SETX: variants seen among roughly 807,000 people sequenced by gnomAD.
SETX encodes the protein helicase senataxin.
Under a neutral mutation model 227.2 loss-of-function variants are expected in SETX, and 90 were observed. That is an observed-to-expected ratio of 0.40 (90% CI 0.33 to 0.47). SETX has a LOEUF of 0.47. Among genes scored for constraint, SETX ranks in the 20% least tolerant of loss-of-function variants. The pLI, the probability that SETX is intolerant of heterozygous loss-of-function variation, is 0.91. For missense variants in SETX, 3,052 were observed against 3,181.5 expected (o/e 0.96, Z 0.98); for synonymous variants, 1,210 against 1,113.2 (o/e 1.09, Z -1.73).
At chr9:132,348,605 G>A (rs909696398) in intron 3 of SETX, among the ~76,000 whole-genome samples, 1 of 151,984 alleles carries the variant, frequency 6.6e-6, no homozygotes, top group African/African-American at 2.4e-5. Context: ...TATATACCAG[G>A]CAATGAGTTA....
chr9:132,317,358 C>T (rs867602706), intron 10 of SETX, among the ~76,000 whole-genome samples: 15 of 152,302 alleles, frequency 9.8e-5, no homozygotes, highest in Middle Eastern at 6.8e-3. Context: ...CCAATTATTT[C>T]ATTGCTCCAT....
intron 2 of SETX, among the ~76,000 whole-genome samples, chr9:132,351,724 G>A (rs1023280370): frequency 6.6e-6 from 1 of 152,278 alleles, no homozygotes; most frequent in African/African-American, 2.4e-5. Flanking sequence ...TGTCTTTAAG[G>A]AGAAAATTAT....
chr9:132,319,083 C>CT (rs1370326791), intron 10 of SETX, among the ~76,000 whole-genome samples: 10 of 152,212 alleles, frequency 6.6e-5, no homozygotes. Flanking sequence ...GCATCACAAT[C>CT]TAACCAGATG....
intron 25 of SETX, among the ~76,000 whole-genome samples, chr9:132,268,471 C>T (rs1013347774): frequency 6.6e-6 from 1 of 152,148 alleles, no homozygotes; most frequent in African/African-American, 2.4e-5. Flanking sequence ...ACTGCACTCC[C>T]GCCAGGGGAA....
intron 5 of SETX, among the ~76,000 whole-genome samples, chr9:132,341,138 G>A (rs964613058): frequency 1.3e-5 from 2 of 152,152 alleles, no homozygotes. Flanking sequence ...TTTGAGGTTA[G>A]GAGTTTGAGA....
At chr9:132,308,829 T>G (rs1161785382) in intron 11 of SETX, among the ~76,000 whole-genome samples, 1 of 152,152 alleles carries the variant, frequency 6.6e-6, no homozygotes, top group African/African-American at 2.4e-5. Flanking sequence ...GGGCCAAGAA[T>G]AGCCAAAGCA....
chr9:132,334,531 C>A (rs1589756917), intron 7 of SETX, 77 bp downstream of exon 7: 2 of 1,494,862 alleles, frequency 1.3e-6, no homozygotes, highest in East Asian at 4.5e-5. Context: ...TACACCAATT[C>A]CTGCAGTGAC....
chr9:132,344,907 AG>A (rs1848202541), intron 4 of SETX, among the ~76,000 whole-genome samples: 2 of 151,362 alleles, frequency 1.3e-5, no homozygotes, highest in Non-Finnish European at 2.9e-5. Flanking sequence ...TAGATTTGAT[AG>A]GTTAGGGAAA....
intron 11 of SETX, among the ~76,000 whole-genome samples, chr9:132,308,334 C>A (rs1589694680): frequency 1.3e-5 from 2 of 152,256 alleles, no homozygotes; most frequent in Non-Finnish European, 1.5e-5. Flanking sequence ...AGGAAACACA[C>A]AGAGGACAGA....
chr9:132,274,246 T>C (rs1843039217), intron 23 of SETX, among the ~76,000 whole-genome samples: 2 of 152,164 alleles, frequency 1.3e-5, no homozygotes, highest in African/African-American at 4.8e-5. Context: ...TTGTGATACT[T>C]TCCCTTGGCT....
chr9:132,273,144 T>A (rs1842978924), intron 23 of SETX, among the ~76,000 whole-genome samples: 2 of 151,608 alleles, frequency 1.3e-5, no homozygotes, highest in African/African-American at 4.9e-5. Context: ...AAACAGGATG[T>A]CTTCACATTT....
Position 132,264,908 on chromosome 9 carries a change from A to G in SETX, c.7365T>C (p.Tyr2455=), listed in dbSNP as rs760647117. The change falls in exon 26 of 26, where the codon TAT becomes TAC. Residue 2455 remains tyrosine, a synonymous_variant. Coordinates refer to ENST00000224140, the MANE Select transcript of SETX (RefSeq NM_015046.7). The part of the protein sequence containing the change: ...GAIIKTCDKN[Y]RHDAVKILKL... Reference sequence around the variant, plus strand: ...TCAGAATCTTCACTGCATCATGTCTATAGTTTTTGTCACAGGTCTTAATAA... The same window carrying G: ...TCAGAATCTTCACTGCATCATGTCTGTAGTTTTTGTCACAGGTCTTAATAA... The G allele has an allele frequency of 1.9e-6, 3 of 1,613,984 alleles. No individual in the cohort carries two copies. In the African/African-American group the frequency reaches 4.0e-5, roughly 22 times the overall value.
chr9:132,297,857 T>C (rs981727636), intron 13 of SETX, among the ~76,000 whole-genome samples: 1 of 152,206 alleles, frequency 6.6e-6, no homozygotes, highest in Non-Finnish European at 1.5e-5. Context: ...CATTTTAATG[T>C]TGCTCTTCCA....
Position 132,328,153 on chromosome 9 carries a change from C to A in SETX, c.3445G>T (p.Val1149Phe). 6.2e-7 allele frequency: 1 copy of A among 1,614,122 alleles called. No individual in the cohort carries two copies. The highest frequency in any genetic ancestry group is 8.5e-7 in the Non-Finnish European group (1 of 1,180,016). The change falls in exon 10 of 26, where the codon GTT becomes TTT. Residue 1149 changes from valine to phenylalanine, a missense_variant. By Grantham distance (50) the Val-to-Phe change is conservative. Coordinates refer to ENST00000224140, the MANE Select transcript of SETX (RefSeq NM_015046.7). The part of the protein sequence containing the change: ...EEHTRPRSIS[V>F]EEFCEIEVKK... Reference sequence around the variant, plus strand: ...ACTTCAATTTCACAAAATTCTTCAACAGAAATACTCCGTGGTCTTGTGTGT... The same window carrying A: ...ACTTCAATTTCACAAAATTCTTCAAAAGAAATACTCCGTGGTCTTGTGTGT...
intron 3 of SETX, among the ~76,000 whole-genome samples, chr9:132,348,368 AAAAAC>A (rs1848418858): frequency 1.9e-5 from 1 of 51,766 alleles, no homozygotes; most frequent in Non-Finnish European, 3.8e-5. Flanking sequence ...GTCTCAAAAA[AAAAAC>A]AAAACAAAAA....
chr9:132,356,506 C>G (rs1353712903), upstream of SETX, among the ~76,000 whole-genome samples: 1 of 152,088 alleles, frequency 6.6e-6, no homozygotes, highest in Non-Finnish European at 1.5e-5. Flanking sequence ...CCGGCCCCTA[C>G]CCCCTTTTAG....
chr9:132,291,190 G>A (rs865774946), intron 15 of SETX, among the ~76,000 whole-genome samples: 2 of 122,202 alleles, frequency 1.6e-5, no homozygotes, highest in Admixed American at 9.9e-5. Flanking sequence ...TTTTTGAGAC[G>A]GAGTCTTGCT....
chr9:132,340,346 C>T (rs1405032836), intron 5 of SETX, among the ~76,000 whole-genome samples: 1 of 152,192 alleles, frequency 6.6e-6, no homozygotes, highest in Admixed American at 6.5e-5. Context: ...TTTAAATTTA[C>T]TGGACAAGTG....
At chr9:132,336,649 C>T (rs1022333256) in intron 5 of SETX, 134 bp from the exon 6 acceptor site, 2 of 719,330 alleles carry the variant, frequency 2.8e-6, no homozygotes, top group East Asian at 2.7e-5. Flanking sequence ...ATGTGTGGAC[C>T]TTATTTGATC....
Sources: allele counts gnomAD v4.1 joint callset (sites outside exome capture counted in the v4.1 genomes callset), GRCh38; gene constraint gnomAD v4.1.1; transcripts MANE v1.5; gene names NCBI Gene and HGNC (gene_info 2026-07-23, HGNC 2026-07-21).